The following ADRM1 variants were observed in gnomAD, a reference collection of about 807,000 sequenced individuals.
ADRM1 encodes ADRM1 26S proteasome ubiquitin receptor.
Under a neutral mutation model 40.1 loss-of-function variants are expected in ADRM1, and 2 were observed. The observed-to-expected ratio is 0.05, with a 90% CI of 0.02 to 0.16. The LOEUF (loss-of-function observed/expected upper bound fraction) is 0.16, where lower values mean the gene tolerates loss of function less well. Ranked by LOEUF, ADRM1 falls within the 10% of genes least tolerant of loss-of-function variation. The pLI, the probability that ADRM1 is intolerant of heterozygous loss-of-function variation, is 1.00. For synonymous variants in ADRM1, 287 were observed against 240.4 expected, an observed-to-expected ratio of 1.19 and a Z score of -1.79; for missense variants, 467 against 552.5, an observed-to-expected ratio of 0.85 and a Z score of 1.55.
At chr20:62,306,845 CTG>C (rs2146004769) in intron 5 of ADRM1, 111 bp downstream of exon 5, 4 of 1,080,430 alleles carry the variant, frequency 3.7e-6, no homozygotes, top group East Asian at 2.6e-5. Context: ...GTCGGGGAGC[CTG>C]TGTGTCCGCA....
chr20:62,307,548 C>G, intron 6 of ADRM1, 48 bp from the exon 7 acceptor site: 1 of 1,601,298 alleles, frequency 6.2e-7, no homozygotes, highest in Non-Finnish European at 8.5e-7. Flanking sequence ...CGAGTAGGCC[C>G]TGCCGTGTGG....
chr20:62,305,838 A>G (rs1984854377), intron 3 of ADRM1: 1 of 251,390 alleles, frequency 4.0e-6, no homozygotes, highest in African/African-American at 2.2e-5. Context: ...TGGTTGAAGG[A>G]AGGAGACGGG....
In ADRM1 at chr20:62,304,586, C is replaced by T; in HGVS notation, c.330+9C>T. ...TTTTCTTCTGGATGCAGGTATGGGGCAGGCCTTGGGGTTGTGCCTTTTTGT... is the reference window on the plus strand; with the variant it reads ...TTTTCTTCTGGATGCAGGTATGGGGTAGGCCTTGGGGTTGTGCCTTTTTGT... On this transcript the variant is annotated intron_variant, in intron 3 of 9. Coordinates refer to ENST00000253003, the MANE Select transcript of ADRM1 (RefSeq NM_007002.4). The T allele has an allele frequency of 6.2e-7, 1 of 1,612,474 alleles. No homozygotes were observed. The highest frequency in any genetic ancestry group is 8.5e-7 in the Non-Finnish European group (1 of 1,178,632).
At chr20:62,308,199 GTC>G in intron 8 of ADRM1, 21 bp downstream of exon 8, 1 of 1,589,776 alleles carries the variant, frequency 6.3e-7, no homozygotes, top group Middle Eastern at 1.7e-4. Context: ...GGCCCAGGGT[GTC>G]CTCCACTGTG....
chr20:62,307,464 C>G lies in ADRM1; in HGVS notation c.623+12C>G, dbSNP rs748556906. 6.2e-7 allele frequency: 1 copy of G among 1,607,828 alleles called. No homozygotes were observed. The highest frequency in any genetic ancestry group is 8.5e-7 in the Non-Finnish European group (1 of 1,179,492). On this transcript the variant is annotated intron_variant, in intron 6 of 9. Coordinates refer to ENST00000253003, the MANE Select transcript of ADRM1 (RefSeq NM_007002.4). Reference sequence around the variant, plus strand: ...AGCTCCTCCTCCAGGTGAGCCTCATCGCTCCTGCCACGCAGGTGCCACGGT... The same window carrying G: ...AGCTCCTCCTCCAGGTGAGCCTCATGGCTCCTGCCACGCAGGTGCCACGGT...
At position 62,304,449 on chromosome 20, in the gene ADRM1, C is replaced by G. The variant is rs745319915; in HGVS notation, c.214-12C>G. On this transcript the variant is annotated splice_polypyrimidine_tract_variant and intron_variant, in intron 2 of 9. Transcript: ENST00000253003. The stretch of plus-strand genomic sequence containing the variant: ...TCTGCGCCACTGACTCTCTCTTCCC[C>G]TGGCTTGCCAGGACTTGATCATCTT... 1 of 1,610,990 alleles carries G rather than the reference C, an allele frequency of 6.2e-7. No homozygotes were observed. The highest frequency in any genetic ancestry group is 1.1e-5 in the South Asian group (1 of 90,942).
At chr20:62,305,218 C>T (rs914922249) in intron 3 of ADRM1, among the ~76,000 whole-genome samples, 1 of 152,200 alleles carries the variant, frequency 6.6e-6, no homozygotes, top group African/African-American at 2.4e-5. Context: ...TGGTGGCGGG[C>T]CTGTGGTCAG....
chr20:62,307,242 G>T, intron 5 of ADRM1, 129 bp from the exon 6 acceptor site: 1 of 896,192 alleles, frequency 1.1e-6, no homozygotes, highest in Admixed American at 3.0e-5. Context: ...CAGGCCTGTG[G>T]GTCCCCACCG....
intron 2 of ADRM1, 41 bp downstream of exon 2, chr20:62,303,822 T>G: frequency 1.3e-6 from 2 of 1,588,398 alleles, no homozygotes; most frequent in South Asian, 2.2e-5. Context: ...AGGCGACTTC[T>G]CGGGCCCTCG....
In ADRM1 at chr20:62,307,616, C is replaced by T. The variant is rs1248219132; in HGVS notation, c.644C>T (p.Ala215Val). 1.2e-5 allele frequency: 19 copies of T among 1,611,190 alleles called. No homozygotes were observed. The highest frequency in any genetic ancestry group is 6.7e-5 in the Admixed American group (4 of 59,978). Reference protein sequence around the residue: ...SSSSSRSQSAAVTPSSTTSST... With the variant: ...SSSSSRSQSAVVTPSSTTSST... ...CGCAGCTCCCGGAGCCAGTCGGCAG[C>T]GGTCACCCCGTCATCCACCACCTCT... Residue 215 changes from alanine (A) to valine (V), a missense_variant, in exon 7 of 10, where the codon GCG becomes GTG. This residue lies in a region of ADRM1 where 418 missense variants were observed against 474.6 expected (regional missense o/e 0.88). Coordinates refer to ENST00000253003, the MANE Select transcript of ADRM1 (RefSeq NM_007002.4).
At position 62,305,737 on chromosome 20, in the gene ADRM1, CAT is replaced by C. The variant is rs138278176; in HGVS notation, c.331-459_331-458del. The C allele has an allele frequency of 7.1e-3, 1,326 of 187,212 alleles. 16 individuals carry two copies. The highest frequency in any genetic ancestry group is 0.024 in the African/African-American group (1,020 of 43,110). 11.6% of individuals were successfully genotyped at this position (187,212 alleles called of 1,614,324 possible). On this transcript the variant is annotated intron_variant, in intron 3 of 9. Coordinates refer to ENST00000253003, the MANE Select transcript of ADRM1 (RefSeq NM_007002.4). ...GATGCTTCTGACACTGATCTGTGCACATGTGTGTGCACACGCGTGTGCTCGAT... is the reference window on the plus strand; with the variant it reads ...GATGCTTCTGACACTGATCTGTGCACGTGTGTGCACACGCGTGTGCTCGAT...
At chr20:62,308,342 C>G (rs772022918) in intron 8 of ADRM1, 26 bp from the exon 9 acceptor site, 1 of 1,575,402 alleles carries the variant, frequency 6.3e-7, no homozygotes, top group Admixed American at 1.8e-5. Context: ...GGTTGGAGCT[C>G]AGCCCTCGCC....
Position 62,303,597 on chromosome 20 carries a change from G to A in ADRM1, c.29G>A (p.Ser10Asn), listed in dbSNP as rs745995688. The change falls in exon 2 of 10, where the codon AGC becomes AAC. Residue 10 changes from serine (S) to asparagine (N), a missense_variant. Ser to Asn is a conservative substitution (Grantham distance 46). Transcript: ENST00000253003. Reference sequence around the variant, plus strand: ...ACGACCTCAGGCGCGCTCTTTCCAAGCCTGGTGCCAGGCTCTCGGGGCGCC... The same window carrying A: ...ACGACCTCAGGCGCGCTCTTTCCAAACCTGGTGCCAGGCTCTCGGGGCGCC... MTTSGALFP[S>N]LVPGSRGASN... The A allele has an allele frequency of 3.1e-6, 5 of 1,598,670 alleles. No individual in the cohort carries two copies. Among genetic ancestry groups the A allele is most frequent in the African/African-American group, 1.3e-5 (1 of 74,074 alleles).
Position 62,304,475 on chromosome 20 carries a change from C to T in ADRM1, c.228C>T (p.Phe76=). ...SGNVEDDLII[F]PDDCEFKRVP... ...TGGCTTGCCAGGACTTGATCATCTT[C>T]CCTGACGACTGTGAGTTCAAGCGGG... Residue 76 remains phenylalanine (F), a synonymous_variant, in exon 3 of 10, where the codon TTC becomes TTT. Coordinates refer to ENST00000253003, the MANE Select transcript of ADRM1 (RefSeq NM_007002.4). The T allele has an allele frequency of 2.5e-6, 4 of 1,613,760 alleles. No individual in the cohort carries two copies. Among genetic ancestry groups the T allele is most frequent in the African/African-American group, 1.3e-5 (1 of 75,068 alleles).
chr20:62,307,790 C>G lies in ADRM1; in HGVS notation c.818C>G (p.Thr273Arg). 2 of 1,610,808 alleles carry G rather than the reference C, an allele frequency of 1.2e-6. No homozygotes were observed. The highest frequency in any genetic ancestry group is 4.5e-5 in the East Asian group (2 of 44,826). ...AGCGACCTCCAGAGCATCCTGGCCA[C>G]GATGAACGTACCAGCCGGGCCAGCA... ...QLSDLQSILA[T>R]MNVPAGPAGG... is the part of the protein sequence containing the mutation. The change falls in exon 7 of 10, where the codon ACG becomes AGG. Residue 273 changes from threonine (T) to arginine (R), a missense_variant. By Grantham distance (71) the Thr-to-Arg change is moderately conservative. Around this residue, in one of 3 missense-constraint regions of ADRM1, gnomAD observed 418 missense variants for 474.6 expected, o/e 0.88. Transcript: ENST00000253003.
chr20:62,306,830 G>T, intron 5 of ADRM1, 96 bp downstream of exon 5: 2 of 1,199,088 alleles, frequency 1.7e-6, no homozygotes, highest in South Asian at 3.0e-5. Context: ...CTCTGTCTGC[G>T]TAGTGTCGGG....
intron 4 of ADRM1, 110 bp from the exon 5 acceptor site, chr20:62,306,538 G>GAACCC: frequency 7.5e-7 from 1 of 1,325,804 alleles, no homozygotes; most frequent in Non-Finnish European, 1.1e-6. Flanking sequence ...GGTGCCCCCT[G>GAACCC]TAGGGTTCAG....
In ADRM1 at chr20:62,308,109, A is replaced by G. The variant is rs115973129; in HGVS notation, c.945A>G (p.Pro315=). The G allele has an allele frequency of 6.3e-4, 1,016 of 1,611,298 alleles. 4 individuals are homozygous for G. In the African/African-American group the frequency reaches 0.013, roughly 20 times the overall value. ...DVQERLLPYL[P]SGESLPQTAD... is the part of the protein sequence containing the mutation. The stretch of plus-strand genomic sequence containing the variant: ...AGGAGCGCCTGCTTCCCTACTTGCC[A>G]TCTGGGGAGTCGCTGCCGCAGACCG... Residue 315 remains proline, a synonymous_variant, in exon 8 of 10, where the codon CCA becomes CCG. Transcript: ENST00000253003.
chr20:62,304,150 T>G, intron 2 of ADRM1: 1 of 474,658 alleles, frequency 2.1e-6, no homozygotes, highest in Non-Finnish European at 3.8e-6. Flanking sequence ...TAGTTGTTCT[T>G]TGTTACATTT....
Sources: allele counts gnomAD v4.1 joint callset (sites outside exome capture counted in the v4.1 genomes callset), GRCh38; gene constraint gnomAD v4.1.1; regional missense constraint gnomAD v4.1.1; transcripts MANE v1.5; gene names NCBI Gene and HGNC (gene_info 2026-07-23, HGNC 2026-07-21).